The following SPATA16 variants were observed in gnomAD, a reference collection of about 807,000 sequenced individuals.
SPATA16 encodes the protein spermatogenesis-associated protein 16.
A neutral mutation model predicts 63.3 loss-of-function variants in SPATA16; 36 were observed. The observed-to-expected ratio is 0.57, with a 90% CI of 0.44 to 0.75. The LOEUF (loss-of-function observed/expected upper bound fraction) is 0.75, where lower values mean the gene tolerates loss of function less well. Ranked by LOEUF, SPATA16 falls within the 30% of genes least tolerant of loss-of-function variation. SPATA16 has a pLI of 0.00. For synonymous variants in SPATA16, 203 were observed against 216.7 expected (o/e 0.94, Z 0.56); for missense variants, 646 against 679.3 (o/e 0.95, Z 0.54).
chr3:173,056,410 C>T (rs1200622569), intron 2 of SPATA16, among the ~76,000 whole-genome samples: 3 of 151,954 alleles, frequency 2.0e-5, no homozygotes, highest in African/African-American at 7.3e-5. Context: ...ATGTTGCTGA[C>T]ATGTAAGAAA....
In SPATA16 at chr3:172,956,694, G is replaced by T. The variant is rs751095220; in HGVS notation, c.1064C>A (p.Ala355Glu). 1 of 1,611,990 alleles carries T rather than the reference G, an allele frequency of 6.2e-7. No homozygotes were observed. The highest frequency in any genetic ancestry group is 8.5e-7 in the Non-Finnish European group (1 of 1,179,292). ...AATCTTACCTGTGTACATATACTCT[G>T]CATATGCAGGATGAGTTTTTGTGAA... ...DAFTKTHPAY[A>E]EYMYTDLQAL... Residue 355 changes from alanine (A) to glutamate (E), a missense_variant, in exon 6 of 11, where the codon GCA becomes GAA. Physicochemically the swap from Ala to Glu is moderately radical, Grantham distance 107 (BLOSUM62 -1). Coordinates refer to ENST00000351008, the MANE Select transcript of SPATA16 (RefSeq NM_031955.6).
At chr3:172,935,895 C>G (rs1458419539) in intron 6 of SPATA16, among the ~76,000 whole-genome samples, 1 of 151,980 alleles carries the variant, frequency 6.6e-6, no homozygotes, top group Non-Finnish European at 1.5e-5. Context: ...TGGTAACATT[C>G]TATGGTATGG....
chr3:172,956,997 A>G (rs1253202272), intron 5 of SPATA16, among the ~76,000 whole-genome samples, 173 bp from the exon 6 acceptor site: 1 of 152,186 alleles, frequency 6.6e-6, no homozygotes, highest in African/African-American at 2.4e-5. Flanking sequence ...AGTTCTGGAA[A>G]TACTATTTCA....
At chr3:172,990,276 T>C (rs1414682870) in intron 4 of SPATA16, among the ~76,000 whole-genome samples, 1 of 152,200 alleles carries the variant, frequency 6.6e-6, no homozygotes, top group Non-Finnish European at 1.5e-5. Flanking sequence ...AGCAAGTATC[T>C]AGAATGGTGA....
At chr3:173,086,260 G>GT (rs1737050053) in intron 2 of SPATA16, among the ~76,000 whole-genome samples, 1 of 152,062 alleles carries the variant, frequency 6.6e-6, no homozygotes, top group Admixed American at 6.6e-5. Context: ...ACAACCTTGG[G>GT]TGGGTGTATG....
rs949757189 is a variant in SPATA16 at position 172,949,079 on chromosome 3, A to T, written c.1081+7598T>A. 2.0e-5 allele frequency among the ~76,000 whole-genome samples: 3 copies of T among 152,264 alleles called. 1 individual carries two copies. On this transcript the variant is annotated intron_variant, in intron 6 of 10. Coordinates refer to ENST00000351008, the MANE Select transcript of SPATA16 (RefSeq NM_031955.6). ...GGTAGGGAGTTGTTTGGGATTAATA[A>T]AGGGCCAGTAAAGGGTATCTGGAGA...
intron 8 of SPATA16, among the ~76,000 whole-genome samples, chr3:172,920,329 A>G (rs2109571269): frequency 6.6e-6 from 1 of 152,334 alleles, no homozygotes; most frequent in East Asian, 1.9e-4. Context: ...CCATAGTTCC[A>G]AAGTAGAAAT....
chr3:172,996,034 T>G (rs1560091266), intron 4 of SPATA16, among the ~76,000 whole-genome samples: 1 of 152,074 alleles, frequency 6.6e-6, no homozygotes, highest in Non-Finnish European at 1.5e-5. Context: ...TCTTTGACAT[T>G]TCCTCATTTT....
intron 8 of SPATA16, among the ~76,000 whole-genome samples, chr3:172,917,168 A>G (rs1732512179): frequency 6.6e-6 from 1 of 152,212 alleles, no homozygotes; most frequent in Non-Finnish European, 1.5e-5. Context: ...GGGCGCATTT[A>G]GAAAAAAGTG....
At chr3:172,988,817 T>C (rs1560089274) in intron 4 of SPATA16, among the ~76,000 whole-genome samples, 1 of 152,138 alleles carries the variant, frequency 6.6e-6, no homozygotes, top group East Asian at 1.9e-4. Flanking sequence ...TCTGTATTTT[T>C]AGTAGAGACG....
chr3:173,048,929 T>C lies in SPATA16; in HGVS notation c.758+20A>G. The C allele has an allele frequency of 6.2e-7, 1 of 1,613,406 alleles. No individual in the cohort carries two copies. The highest frequency in any genetic ancestry group is 8.5e-7 in the Non-Finnish European group (1 of 1,179,416). ...TAGCATGAACAGCATTTACTTGCAC[T>C]TATTAGTATATGATTTTACCTGTGT... On this transcript the variant is annotated intron_variant, in intron 3 of 10. Coordinates refer to ENST00000351008, the MANE Select transcript of SPATA16 (RefSeq NM_031955.6).
chr3:173,071,521 A>T (rs938247229), intron 2 of SPATA16, among the ~76,000 whole-genome samples: 1 of 152,220 alleles, frequency 6.6e-6, no homozygotes, highest in Non-Finnish European at 1.5e-5. Context: ...GTGAAGGGAC[A>T]ACCCACAGGA....
intron 8 of SPATA16, among the ~76,000 whole-genome samples, chr3:172,917,667 T>C (rs1732525259): frequency 6.6e-6 from 1 of 152,222 alleles, no homozygotes; most frequent in African/African-American, 2.4e-5. Flanking sequence ...AACCACCACC[T>C]TAAAGCTTAG....
intron 2 of SPATA16, among the ~76,000 whole-genome samples, chr3:173,094,267 A>AACAT (rs1737296501): frequency 6.6e-6 from 1 of 152,140 alleles, no homozygotes; most frequent in Non-Finnish European, 1.5e-5. Context: ...TCCAAGGGTC[A>AACAT]CCGTCCCACT....
intron 6 of SPATA16, among the ~76,000 whole-genome samples, chr3:172,952,588 T>C (rs182605537): frequency 4.6e-5 from 7 of 152,216 alleles, no homozygotes; most frequent in Non-Finnish European, 8.8e-5. Flanking sequence ...CAGTCAGAAA[T>C]CTTCATCTAA....
chr3:172,991,106 A>G lies in SPATA16; in HGVS notation c.849-14054T>C, dbSNP rs80325168. ...ACCTAGGTTTTCCCAAGATAGTCCT[A>G]GTCCATCCTTGATGTCCTAGGGTAA... On this transcript the variant is annotated intron_variant, in intron 4 of 10. Coordinates refer to ENST00000351008, the MANE Select transcript of SPATA16 (RefSeq NM_031955.6). Among the ~76,000 whole-genome samples, 831 of 152,200 alleles carry G rather than the reference A, an allele frequency of 5.5e-3. 5 individuals carry two copies. The highest frequency in any genetic ancestry group is 0.019 in the African/African-American group (796 of 41,522).
intron 2 of SPATA16, among the ~76,000 whole-genome samples, chr3:173,070,536 G>T (rs2108306793): frequency 6.6e-6 from 1 of 152,240 alleles, no homozygotes; most frequent in African/African-American, 2.4e-5. Flanking sequence ...AGCCTTAGTT[G>T]CATGTGATAC....
chr3:172,954,557 C>T lies in SPATA16; in HGVS notation c.1081+2120G>A, dbSNP rs369726541. 1.1e-4 allele frequency among the ~76,000 whole-genome samples: 17 copies of T among 152,296 alleles called. 2 individuals carry two copies. The highest frequency in any genetic ancestry group is 3.9e-4 in the Admixed American group (6 of 15,290). ...TTACTTACTTCTTAGCTATTACCTT[C>T]GGCTACTGATGCAGCTCTAATCACC... is the stretch of plus-strand genomic sequence containing the variant. On this transcript the variant is annotated intron_variant, in intron 6 of 10. Coordinates refer to ENST00000351008, the MANE Select transcript of SPATA16 (RefSeq NM_031955.6).
intron 2 of SPATA16, among the ~76,000 whole-genome samples, chr3:173,067,157 CT>C (rs1736540873): frequency 6.6e-6 from 1 of 151,740 alleles, no homozygotes; most frequent in Non-Finnish European, 1.5e-5. Context: ...TGAAGCGGAC[CT>C]ACAAGATCTA....
Sources: gnomAD v4.1 joint callset for allele counts (sites outside exome capture counted in the v4.1 genomes callset) on GRCh38, gnomAD v4.1.1 for gene constraint, MANE v1.5 for transcripts, NCBI Gene and HGNC (gene_info 2026-07-23, HGNC 2026-07-21) for gene names.